Variants in ACSF2 observed in about 807,000 individuals in gnomAD.
ACSF2 encodes the protein medium-chain acyl-CoA ligase ACSF2, mitochondrial.
ACSF2 carries 52 observed loss-of-function variants against 79.3 expected under a neutral mutation model. The observed-to-expected ratio is 0.66, with a 90% CI of 0.53 to 0.83. The LOEUF (loss-of-function observed/expected upper bound fraction) is 0.83, where lower values mean the gene tolerates loss of function less well. Ranked by LOEUF, ACSF2 falls within the 40% of genes least tolerant of loss-of-function variation. The pLI is 0.00. For missense variants in ACSF2, 661 were observed against 803.3 expected, an observed-to-expected ratio of 0.82 and a Z score of 2.14; for synonymous variants, 283 against 312.6, an observed-to-expected ratio of 0.91 and a Z score of 1.00.
At position 50,463,116 on chromosome 17, in the gene ACSF2, A is replaced by T; in HGVS notation, c.793-40A>T. ...GGCAGTGGCCCAGGGTGGGAAGGAGATGAGAAGGAGGCCAAGCCATGCCCT... is the reference window on the plus strand; with the variant it reads ...GGCAGTGGCCCAGGGTGGGAAGGAGTTGAGAAGGAGGCCAAGCCATGCCCT... On this transcript the variant is annotated intron_variant, in intron 6 of 15. Coordinates refer to ENST00000300441, the MANE Select transcript of ACSF2 (RefSeq NM_025149.6). The surrounding 1 kb of genome is among the most constrained non-coding windows in gnomAD (Gnocchi z 4.6). 2 of 1,561,166 alleles carry T rather than the reference A, an allele frequency of 1.3e-6. No individual in the cohort carries two copies. Among genetic ancestry groups the T allele is most frequent in the Non-Finnish European group, 1.8e-6 (2 of 1,134,472 alleles).
At chr17:50,428,989 A>C (rs1440263025) in intron 1 of ACSF2, among the ~76,000 whole-genome samples, 1 of 152,232 alleles carries the variant, frequency 6.6e-6, no homozygotes, top group Non-Finnish European at 1.5e-5. Flanking sequence ...TGCCATGGTG[A>C]GGAATGCGCT....
At chr17:50,461,716 G>A (rs962802562) in intron 4 of ACSF2, 30 bp downstream of exon 4, 1 of 1,613,576 alleles carries the variant, frequency 6.2e-7, no homozygotes, top group African/African-American at 1.3e-5. Flanking sequence ...GAGGGGCCCG[G>A]CTGGGGCCTG....
At chr17:50,462,098 T>C in intron 4 of ACSF2, 86 bp from the exon 5 acceptor site, 1 of 1,139,666 alleles carries the variant, frequency 8.8e-7, no homozygotes, top group Non-Finnish European at 1.3e-6. Context: ...TGCATCTGTA[T>C]GAGAGCAGCT....
chr17:50,453,271 CA>C (rs1246591819), intron 1 of ACSF2, among the ~76,000 whole-genome samples: 27 of 151,704 alleles, frequency 1.8e-4, no homozygotes, highest in South Asian at 1.7e-3. Context: ...TGCAGTGACA[CA>C]ATCTCGGCTC....
chr17:50,472,392 G>C, intron 11 of ACSF2, 36 bp from the exon 12 acceptor site: 1 of 1,600,868 alleles, frequency 6.2e-7, no homozygotes, highest in Non-Finnish European at 8.5e-7. Context: ...GAAGCAAGAG[G>C]ATAGGAAGCC....
intron 10 of ACSF2, among the ~76,000 whole-genome samples, chr17:50,467,387 C>T (rs2032801487): frequency 6.6e-6 from 1 of 152,230 alleles, no homozygotes; most frequent in East Asian, 1.9e-4. Flanking sequence ...ACGATGCTTG[C>T]ATCCTGGGGG....
Position 50,463,812 on chromosome 17 carries a change from A to AT in ACSF2, c.1047-5dup. 1 of 1,613,696 alleles carries AT rather than the reference A, an allele frequency of 6.2e-7. No individual in the cohort carries two copies. Among genetic ancestry groups the AT allele is most frequent in the South Asian group, 1.1e-5 (1 of 91,060 alleles). On this transcript the variant is annotated splice_region_variant and splice_polypyrimidine_tract_variant and intron_variant, in intron 8 of 15. Transcript: ENST00000300441. The surrounding 1 kb of genome is among the most constrained non-coding windows in gnomAD (Gnocchi z 4.6). The stretch of plus-strand genomic sequence containing the variant: ...AAGCCTAATTTCGAGACCTCCTCCT[A>AT]TACAGAGGCACCTTCCTGTATGGTA...
At chr17:50,470,562 C>T (rs1311735247) in intron 10 of ACSF2, among the ~76,000 whole-genome samples, 1 of 152,078 alleles carries the variant, frequency 6.6e-6, no homozygotes. Context: ...TGTGTCTGTG[C>T]CACTCCTAGC....
rs374928540 is a variant in ACSF2, at chr17:50,471,109, G to A, written c.1297G>A (p.Val433Met). The A allele has an allele frequency of 2.9e-5, 47 of 1,613,884 alleles. No individual in the cohort carries two copies. Among genetic ancestry groups the A allele is most frequent in the Admixed American group, 5.0e-5 (3 of 59,994 alleles). ...CACTGTGGAGCAGAAGGCAGAAAGC[G>A]TGGGCAGAATTATGCCTCACACGGA... ...EDTVEQKAESVGRIMPHTEAR... is the reference protein window; with the variant it reads ...EDTVEQKAESMGRIMPHTEAR... The change falls in exon 11 of 16, where the codon GTG (valine) becomes ATG (methionine). Residue 433 changes from valine to methionine, a missense_variant. Coordinates refer to ENST00000300441, the MANE Select transcript of ACSF2 (RefSeq NM_025149.6). This position sits in a 1 kb window ranked among gnomAD's most constrained non-coding sequence, Gnocchi z 4.1.
At chr17:50,455,562 G>C (rs2143663430) in intron 1 of ACSF2, among the ~76,000 whole-genome samples, 1 of 152,260 alleles carries the variant, frequency 6.6e-6, no homozygotes, top group African/African-American at 2.4e-5. Context: ...TGGAGCTCCA[G>C]CCCCATGGGG....
intron 1 of ACSF2, among the ~76,000 whole-genome samples, chr17:50,459,094 A>G (rs982019695): frequency 6.6e-5 from 10 of 152,244 alleles, no homozygotes; most frequent in Admixed American, 1.3e-4. Context: ...ATGCCTGTCG[A>G]CTACAGAGCA....
At chr17:50,466,528 A>C (rs1476773297) in intron 10 of ACSF2, among the ~76,000 whole-genome samples, 1 of 152,086 alleles carries the variant, frequency 6.6e-6, no homozygotes, top group Non-Finnish European at 1.5e-5. Context: ...CTGCACAAAC[A>C]CTGGGACTGT....
intron 1 of ACSF2, among the ~76,000 whole-genome samples, chr17:50,454,923 A>G (rs1221720871): frequency 6.6e-6 from 1 of 152,196 alleles, no homozygotes; most frequent in Non-Finnish European, 1.5e-5. Flanking sequence ...TTGGTCTGAA[A>G]ACCATGGTGA....
chr17:50,466,621 C>T (rs1365102184), intron 10 of ACSF2, among the ~76,000 whole-genome samples: 2 of 152,222 alleles, frequency 1.3e-5, no homozygotes, highest in Non-Finnish European at 2.9e-5. Flanking sequence ...GCAGTGGGCC[C>T]AGGCTCCCCA....
chr17:50,465,137 C>T (rs1466180495), intron 10 of ACSF2: 7 of 778,580 alleles, frequency 9.0e-6, no homozygotes, highest in Non-Finnish European at 1.0e-5. Flanking sequence ...AGGACCTTTT[C>T]CTCCCTTCAA....
chr17:50,451,675 C>T (rs750365612), intron 1 of ACSF2, among the ~76,000 whole-genome samples: 3 of 152,220 alleles, frequency 2.0e-5, no homozygotes, highest in Non-Finnish European at 2.9e-5. Flanking sequence ...ACCTCGAACT[C>T]CTGACCTCTG....
intron 1 of ACSF2, among the ~76,000 whole-genome samples, chr17:50,446,199 TA>T (rs1180806622): frequency 2.6e-5 from 4 of 152,240 alleles, no homozygotes; most frequent in African/African-American, 9.6e-5. Context: ...GCAATGTTGC[TA>T]AATTTAGTTT....
At chr17:50,445,164 C>G (rs1237192448) in intron 1 of ACSF2, among the ~76,000 whole-genome samples, 3 of 152,162 alleles carry the variant, frequency 2.0e-5, no homozygotes. Flanking sequence ...ATCCTCCTGC[C>G]TCACCCTCCC....
At chr17:50,434,983 G>A (rs1162297638) in intron 1 of ACSF2, among the ~76,000 whole-genome samples, 1 of 152,058 alleles carries the variant, frequency 6.6e-6, no homozygotes, top group Non-Finnish European at 1.5e-5. Context: ...CGATTCTCCT[G>A]CCTCAGCCTC....
Sources: gnomAD v4.1 joint callset for allele counts (sites outside exome capture counted in the v4.1 genomes callset) on GRCh38, gnomAD v4.1.1 for gene constraint, Gnocchi (gnomAD v3.1) non-coding constraint, MANE v1.5 for transcripts, NCBI Gene and HGNC (gene_info 2026-07-23, HGNC 2026-07-21) for gene names.